The following DENND1B variants were observed in gnomAD, a reference collection of about 807,000 sequenced individuals.
DENND1B encodes the protein DENN domain-containing protein 1B.
DENND1B carries 59 observed loss-of-function variants against 90.1 expected under a neutral mutation model. The ratio of observed to expected loss-of-function variants is 0.65; its 90% CI spans 0.53 to 0.81. DENND1B has a LOEUF of 0.81. Ranked by LOEUF, DENND1B falls within the 40% of genes least tolerant of loss-of-function variation. DENND1B has a pLI of 0.00. For missense variants in DENND1B, 862 were observed against 912.6 expected (o/e 0.94, Z 0.71); for synonymous variants, 337 against 324.6 (o/e 1.04, Z -0.41).
intron 5 of DENND1B, among the ~76,000 whole-genome samples, chr1:197,670,443 C>CTGTGTGTGTGTGTGTG (rs60648023): frequency 0.1 from 10,035 of 99,352 alleles, 954 homozygotes; most frequent in East Asian, 0.18. Context: ...GGGGGGAAGA[C>CTGTGTGTGTGTGTGTG]TGTGTGTGTG....
chr1:197,693,402 T>G (rs1016542314), intron 3 of DENND1B, among the ~76,000 whole-genome samples: 2 of 151,682 alleles, frequency 1.3e-5, no homozygotes, highest in Non-Finnish European at 3.0e-5. Context: ...TGAAGTTAAT[T>G]TTTGAAATTA....
At chr1:197,585,570 T>A (rs1674626126) in intron 14 of DENND1B, among the ~76,000 whole-genome samples, 2 of 152,172 alleles carry the variant, frequency 1.3e-5, no homozygotes, top group African/African-American at 2.4e-5. Context: ...AGAGAACAGG[T>A]AAAGAAAAAG....
At chr1:197,648,295 T>C (rs868691871) in intron 7 of DENND1B, among the ~76,000 whole-genome samples, 17 of 152,284 alleles carry the variant, frequency 1.1e-4, no homozygotes, top group Middle Eastern at 3.4e-3. Context: ...AAAAGGATCA[T>C]CTAAAGAGAT....
At chr1:197,617,570 T>C in intron 11 of DENND1B, 89 bp downstream of exon 11, 1 of 868,556 alleles carries the variant, frequency 1.2e-6, no homozygotes, top group Non-Finnish European at 1.9e-6. Flanking sequence ...TTCTTTTAAA[T>C]ATGCCCCCAA....
chr1:197,552,993 T>C (rs1399130437), intron 16 of DENND1B, 29 bp downstream of exon 16: 4 of 1,560,940 alleles, frequency 2.6e-6, no homozygotes, highest in Non-Finnish European at 1.7e-6. Flanking sequence ...ATTGAGAAAA[T>C]GGATAATCAT....
At chr1:197,539,113 T>C (rs1670136842) in intron 20 of DENND1B, among the ~76,000 whole-genome samples, 1 of 152,222 alleles carries the variant, frequency 6.6e-6, no homozygotes, top group Non-Finnish European at 1.5e-5. Context: ...TGGCCATGTA[T>C]ACTTCTGTGG....
intron 5 of DENND1B, among the ~76,000 whole-genome samples, chr1:197,658,889 A>C (rs1212479763): frequency 6.6e-6 from 1 of 150,956 alleles, no homozygotes; most frequent in Non-Finnish European, 1.5e-5. Context: ...AAAATTTTAA[A>C]TGACTTTTAT....
intron 10 of DENND1B, among the ~76,000 whole-genome samples, chr1:197,619,660 G>A (rs1389643830): frequency 3.3e-5 from 5 of 151,014 alleles, no homozygotes; most frequent in African/African-American, 1.2e-4. Flanking sequence ...ATTTCACTGG[G>A]CATACCCAGA....
At chr1:197,672,893 A>G (rs1157551690) in intron 4 of DENND1B, among the ~76,000 whole-genome samples, 4 of 152,048 alleles carry the variant, frequency 2.6e-5, no homozygotes, top group Admixed American at 2.6e-4. Flanking sequence ...TTTAAAATAT[A>G]TGAATATATT....
At chr1:197,630,367 T>C (rs1679218494) in intron 10 of DENND1B, among the ~76,000 whole-genome samples, 1 of 152,056 alleles carries the variant, frequency 6.6e-6, no homozygotes, top group Admixed American at 6.6e-5. Context: ...TGGCACCTTG[T>C]TACTGCATCC....
chr1:197,775,362 C>G lies in DENND1B; in HGVS notation c.-207G>C. On this transcript the variant is annotated 5_prime_UTR_variant, in exon 1 of 23. Transcript: ENST00000620048. ...TCCCACCCCACCCACCAGAGCCTTT[C>G]TGTGACAGCAGCGGTGGCGTGGCCG... 2.9e-6 allele frequency: 1 copy of G among 347,658 alleles called. No homozygotes were observed. The highest frequency in any genetic ancestry group is 4.5e-5 in the East Asian group (1 of 22,446). The allele number at this position is 347,658 out of a possible 1,614,324, so 21.5% of individuals were successfully genotyped here.
chr1:197,745,385 T>C (rs1054359641), intron 2 of DENND1B, among the ~76,000 whole-genome samples: 1 of 152,088 alleles, frequency 6.6e-6, no homozygotes, highest in Non-Finnish European at 1.5e-5. Flanking sequence ...GAGGCCATTG[T>C]AGGGTTATCA....
At chr1:197,630,943 A>G (rs1287206113) in intron 10 of DENND1B, among the ~76,000 whole-genome samples, 3 of 151,962 alleles carry the variant, frequency 2.0e-5, no homozygotes, top group African/African-American at 7.3e-5. Flanking sequence ...CCTCGTCACA[A>G]CTCTTTGGAT....
chr1:197,542,980 G>T (rs1670453675), intron 18 of DENND1B, among the ~76,000 whole-genome samples: 1 of 151,190 alleles, frequency 6.6e-6, no homozygotes, highest in African/African-American at 2.4e-5. Context: ...TGTGGCCCAG[G>T]CTGGAGTGCA....
At chr1:197,637,454 GTGTT>G (rs1291133970) in intron 10 of DENND1B, among the ~76,000 whole-genome samples, 1 of 152,034 alleles carries the variant, frequency 6.6e-6, no homozygotes, top group African/African-American at 2.4e-5. Flanking sequence ...GCAGAAATAC[GTGTT>G]TATTTTCATG....
At chr1:197,538,250 A>C (rs1670061415) in intron 20 of DENND1B, among the ~76,000 whole-genome samples, 1 of 152,166 alleles carries the variant, frequency 6.6e-6, no homozygotes, top group Admixed American at 6.5e-5. Context: ...ATTTTACAAC[A>C]GTATTTGAGA....
chr1:197,507,456 A>G lies in DENND1B; in HGVS notation c.*3004T>C, dbSNP rs1219785770. 6.6e-6 allele frequency: 1 copy of G among 151,530 alleles called. No homozygotes were observed. Among genetic ancestry groups the G allele is most frequent in the African/African-American group, 2.4e-5 (1 of 41,466 alleles). 9.4% of individuals were successfully genotyped at this position (151,530 alleles called of 1,614,324 possible). On this transcript the variant is annotated 3_prime_UTR_variant, in exon 23 of 23. Transcript: ENST00000620048. ...CTTAGTAATATTTTCACTTAAAAAA[A>G]TAGCTCCTAAATTCCAATATTATTT...
chr1:197,715,658 T>C (rs1660569643), intron 2 of DENND1B, among the ~76,000 whole-genome samples: 1 of 151,830 alleles, frequency 6.6e-6, no homozygotes, highest in African/African-American at 2.4e-5. Flanking sequence ...CAATTGATAT[T>C]TGCAGGGCAT....
At chr1:197,662,777 A>G (rs961736621) in intron 5 of DENND1B, among the ~76,000 whole-genome samples, 1 of 152,054 alleles carries the variant, frequency 6.6e-6, no homozygotes, top group African/African-American at 2.4e-5. Context: ...GACAAAAATC[A>G]TTCTGTTGTA....
Sources: gnomAD v4.1 joint callset for allele counts (sites outside exome capture counted in the v4.1 genomes callset) on GRCh38, gnomAD v4.1.1 for gene constraint, MANE v1.5 for transcripts, NCBI Gene and HGNC (gene_info 2026-07-23, HGNC 2026-07-21) for gene names.